SV2C: variants seen among roughly 807,000 people sequenced by gnomAD.
SV2C encodes synaptic vesicle glycoprotein 2C, also known as solute carrier family 22 member B3.
Under a neutral mutation model 79.7 loss-of-function variants are expected in SV2C, and 49 were observed. That is an observed-to-expected ratio of 0.61 (90% CI 0.49 to 0.78). The LOEUF (loss-of-function observed/expected upper bound fraction) is 0.78, where lower values mean the gene tolerates loss of function less well. Ranked by LOEUF, SV2C falls within the 30% of genes least tolerant of loss-of-function variation. The probability of loss-of-function intolerance (pLI) is 0.00; values close to 1 mark genes in which losing one functional copy is unlikely to be tolerated. For missense variants in SV2C, 833 were observed against 912.9 expected, an observed-to-expected ratio of 0.91 and a Z score of 1.13; for synonymous variants, 334 against 333.2, an observed-to-expected ratio of 1.00 and a Z score of -0.03.
Position 76,332,551 on chromosome 5 carries a change from T to G in SV2C, c.*7004T>G, listed in dbSNP as rs2112577647. 1 of 152,322 alleles carries G rather than the reference T, an allele frequency of 6.6e-6. No individual in the cohort carries two copies. Among genetic ancestry groups the G allele is most frequent in the South Asian group, 2.1e-4 (1 of 4,820 alleles). 9.4% of individuals were successfully genotyped at this position (152,322 alleles called of 1,614,324 possible). ...TCACTTTCTACTTATTTTACTACAT[T>G]TTACCATTATCTGTGCCCATGAGGT... On this transcript the variant is annotated 3_prime_UTR_variant, in exon 13 of 13. Transcript: ENST00000502798.
chr5:76,347,298 T>A (rs1302064790), intron 12 of SV2C, among the ~76,000 whole-genome samples: 2 of 152,192 alleles, frequency 1.3e-5, no homozygotes, highest in African/African-American at 2.4e-5. Context: ...GCCAAAGGCA[T>A]GGTCTGGAGA....
At chr5:75,953,898 C>T in the SV2C span, among the ~76,000 whole-genome samples, 3 of 151,916 alleles carry the variant, frequency 2.0e-5, no homozygotes. Context: ...CCAGTGTTTC[C>T]TGCACCTCCA....
chr5:76,291,292 T>C lies in SV2C; in HGVS notation c.1209T>C (p.Tyr403=), dbSNP rs1747553204. The C allele has an allele frequency of 1.9e-6, 3 of 1,612,998 alleles. No individual in the cohort carries two copies. The highest frequency in any genetic ancestry group is 2.5e-6 in the Non-Finnish European group (3 of 1,179,692). The stretch of plus-strand genomic sequence containing the variant: ...TTGAGAGTGACACAGGAACATGGTA[T>C]AGGAGGTGTTTTGTTCGGATCCGCA... The part of the protein sequence containing the change: ...IEIESDTGTW[Y]RRCFVRIRTE... Residue 403 remains tyrosine (Y), a synonymous_variant, in exon 7 of 13, where the codon TAT becomes TAC. Coordinates refer to ENST00000502798, the MANE Select transcript of SV2C (RefSeq NM_014979.4).
chr5:76,043,173 C>G, the SV2C span, among the ~76,000 whole-genome samples: 44 of 152,294 alleles, frequency 2.9e-4, no homozygotes, highest in African/African-American at 1.0e-3. Context: ...GGATGCCTGC[C>G]AACCCCCAGC....
At chr5:75,875,319 A>G in the SV2C span, among the ~76,000 whole-genome samples, 1 of 152,194 alleles carries the variant, frequency 6.6e-6, no homozygotes, top group African/African-American at 2.4e-5. Flanking sequence ...TGACAAAAAC[A>G]AGCAATGGGG....
the SV2C span, among the ~76,000 whole-genome samples, chr5:76,074,356 T>A: frequency 1.3e-5 from 2 of 152,042 alleles, no homozygotes; most frequent in African/African-American, 2.4e-5. Flanking sequence ...ATGAGGAACA[T>A]CCCCCTTCCT....
intron 1 of SV2C, among the ~76,000 whole-genome samples, chr5:76,111,164 A>G (rs1267475161): frequency 6.6e-6 from 1 of 152,130 alleles, no homozygotes; most frequent in Non-Finnish European, 1.5e-5. Context: ...CCAGGTGAGG[A>G]ACCTTTTTTG....
At chr5:75,877,949 A>AG in the SV2C span, among the ~76,000 whole-genome samples, 1 of 149,248 alleles carries the variant, frequency 6.7e-6, no homozygotes, top group East Asian at 1.9e-4. Context: ...AGAAAAAAAA[A>AG]AAAAACAAGT....
intron 1 of SV2C, among the ~76,000 whole-genome samples, chr5:76,086,519 T>A (rs1168247294): frequency 1.3e-5 from 2 of 152,216 alleles, no homozygotes; most frequent in African/African-American, 4.8e-5. Context: ...ATTTCTTGGT[T>A]CCATGTTGGT....
chr5:76,099,751 T>C (rs1021738829), intron 1 of SV2C, among the ~76,000 whole-genome samples: 4 of 152,226 alleles, frequency 2.6e-5, no homozygotes, highest in African/African-American at 9.6e-5. Flanking sequence ...CTATTAACAG[T>C]AAGAAGGATT....
At chr5:76,124,542 T>C (rs1362228016) in intron 1 of SV2C, among the ~76,000 whole-genome samples, 1 of 152,216 alleles carries the variant, frequency 6.6e-6, no homozygotes, top group South Asian at 2.1e-4. Context: ...CTTCCTTGAT[T>C]GAGCTACTGT....
the SV2C span, among the ~76,000 whole-genome samples, chr5:75,897,636 T>G: frequency 6.6e-6 from 1 of 152,418 alleles, no homozygotes; most frequent in African/African-American, 2.4e-5. Context: ...GAGATGACAT[T>G]GAATCTATAA....
intron 1 of SV2C, among the ~76,000 whole-genome samples, chr5:76,107,795 G>A (rs572006920): frequency 1.3e-5 from 2 of 152,242 alleles, no homozygotes; most frequent in East Asian, 3.9e-4. Context: ...CGAGGTTGCA[G>A]TGAGCCAAGA....
the SV2C span, among the ~76,000 whole-genome samples, chr5:75,978,403 T>C: frequency 3.3e-5 from 5 of 152,156 alleles, no homozygotes; most frequent in African/African-American, 1.2e-4. Flanking sequence ...CAATGTCAAA[T>C]AGTCACGTGT....
At chr5:76,182,442 T>C (rs1460829899) in intron 2 of SV2C, among the ~76,000 whole-genome samples, 1 of 152,220 alleles carries the variant, frequency 6.6e-6, no homozygotes, top group Non-Finnish European at 1.5e-5. Context: ...CCAAGCCTGC[T>C]CTCTTTTTCT....
At chr5:76,164,059 A>G (rs1422246917) in intron 2 of SV2C, among the ~76,000 whole-genome samples, 2 of 152,172 alleles carry the variant, frequency 1.3e-5, no homozygotes, top group Non-Finnish European at 2.9e-5. Flanking sequence ...GAAAATAGGT[A>G]TTCACCCATC....
the SV2C span, among the ~76,000 whole-genome samples, chr5:75,991,704 A>AT: frequency 6.7e-6 from 1 of 150,216 alleles, no homozygotes; most frequent in Admixed American, 6.7e-5. Context: ...CATCAGATAG[A>AT]TATATATATG....
chr5:75,982,585 C>T, the SV2C span, among the ~76,000 whole-genome samples: 358 of 152,272 alleles, frequency 2.4e-3, 3 homozygotes, highest in African/African-American at 8.3e-3. Context: ...GACAGAAATA[C>T]CATTCCACCC....
At chr5:75,982,405 A>G in the SV2C span, among the ~76,000 whole-genome samples, 1 of 152,204 alleles carries the variant, frequency 6.6e-6, no homozygotes, top group Non-Finnish European at 1.5e-5. Flanking sequence ...AATCAAAACC[A>G]CAATGAGATA....
Sources: gnomAD v4.1 joint callset for allele counts (sites outside exome capture counted in the v4.1 genomes callset) on GRCh38, gnomAD v4.1.1 for gene constraint, MANE v1.5 for transcripts, NCBI Gene and HGNC (gene_info 2026-07-23, HGNC 2026-07-21) for gene names.